Variants in NEK10 observed in about 807,000 individuals in gnomAD.
NEK10 encodes serine/threonine-protein kinase Nek10.
NEK10 carries 122 observed loss-of-function variants against 159.8 expected under a neutral mutation model. That is an observed-to-expected ratio of 0.76 (90% CI 0.66 to 0.89). NEK10 has a LOEUF of 0.89. Ranked by LOEUF, NEK10 falls within the 40% of genes least tolerant of loss-of-function variation. NEK10 has a pLI of 0.00. For synonymous variants in NEK10, 466 were observed against 457.1 expected (o/e 1.02, Z -0.25); for missense variants, 1,342 against 1,323.1 (o/e 1.01, Z -0.22).
At chr3:27,265,075 G>T (rs373094279) in intron 22 of NEK10, among the ~76,000 whole-genome samples, 7 of 151,960 alleles carry the variant, frequency 4.6e-5, no homozygotes, top group Admixed American at 1.3e-4. Flanking sequence ...AGAATAGTTG[G>T]GTATTTTCTT....
chr3:27,252,373 C>T, intron 23 of NEK10: 1 of 273,368 alleles, frequency 3.7e-6, no homozygotes, highest in Non-Finnish European at 7.7e-6. Context: ...AAGAGTATTC[C>T]AAGGAGGAGT....
At chr3:27,271,406 T>C (rs1453632008) in intron 22 of NEK10, among the ~76,000 whole-genome samples, 1 of 152,172 alleles carries the variant, frequency 6.6e-6, no homozygotes, top group Non-Finnish European at 1.5e-5. Context: ...AACTTCAATA[T>C]TTTTAGGGAG....
At position 27,297,127 on chromosome 3, in the gene NEK10, A is replaced by G. The variant is rs1028427068; in HGVS notation, c.1230+52T>C. 11 of 1,145,030 alleles carry G rather than the reference A, an allele frequency of 9.6e-6. No individual in the cohort carries two copies. The African/African-American group carries it at 1.7e-4, about 17-fold the overall frequency. 70.9% of individuals were successfully genotyped at this position (1,145,030 alleles called of 1,614,324 possible). ...GGGATACAGACTGCACCACAAGGTG[A>G]GTTGATTATGAATGGTTATGGAGAC... On this transcript the variant is annotated intron_variant, in intron 14 of 35. Transcript: ENST00000691995.
intron 22 of NEK10, among the ~76,000 whole-genome samples, chr3:27,257,873 C>A (rs907832413): frequency 5.5e-4 from 82 of 149,154 alleles, no homozygotes; most frequent in African/African-American, 1.8e-3. Context: ...ACTGCAAGCT[C>A]TGCCTGCCGG....
intron 20 of NEK10, among the ~76,000 whole-genome samples, chr3:27,286,102 T>TTTTTTA (rs1265713505): frequency 6.9e-6 from 1 of 144,174 alleles, no homozygotes; most frequent in African/African-American, 2.6e-5. Flanking sequence ...TTTTTTTTTT[T>TTTTTTA]TGAGATGGAG....
chr3:27,124,882 T>C (rs928044682), intron 32 of NEK10, among the ~76,000 whole-genome samples: 2 of 152,178 alleles, frequency 1.3e-5, no homozygotes, highest in Non-Finnish European at 2.9e-5. Flanking sequence ...GGCCATGAGA[T>C]GGTTCAGTAG....
intron 32 of NEK10, among the ~76,000 whole-genome samples, chr3:27,124,917 C>CT (rs1001280419): frequency 1.4e-4 from 21 of 151,642 alleles, no homozygotes; most frequent in Middle Eastern, 6.3e-3. Context: ...TGTGTGAACC[C>CT]TTTTTTTTGC....
At chr3:27,245,381 C>A (rs1162033358) in intron 23 of NEK10, among the ~76,000 whole-genome samples, 5 of 152,168 alleles carry the variant, frequency 3.3e-5, no homozygotes, top group African/African-American at 1.2e-4. Flanking sequence ...CTTTGACCAA[C>A]AGAATATGGC....
intron 23 of NEK10, among the ~76,000 whole-genome samples, chr3:27,212,224 T>C (rs936505230): frequency 6.6e-6 from 1 of 152,226 alleles, no homozygotes; most frequent in African/African-American, 2.4e-5. Flanking sequence ...AGTATTAAAA[T>C]CTGTGTTTTA....
At chr3:27,203,752 T>C (rs1950245208) in intron 23 of NEK10, among the ~76,000 whole-genome samples, 1 of 142,128 alleles carries the variant, frequency 7.0e-6, no homozygotes, top group African/African-American at 2.5e-5. Flanking sequence ...ACATCAGTAT[T>C]GACTTAAAAA....
rs193089864 is a variant in NEK10 at position 27,186,431 on chromosome 3, A to G, written c.2505+5598T>C. ...AACTGGAAATTTCTTCTGGAGCTCAAAATAAGAGCCTGCCAGAAGGAAGAG... is the reference window on the plus strand; with the variant it reads ...AACTGGAAATTTCTTCTGGAGCTCAGAATAAGAGCCTGCCAGAAGGAAGAG... On this transcript the variant is annotated intron_variant, in intron 26 of 35. Coordinates refer to ENST00000691995, the MANE Select transcript of NEK10 (RefSeq NM_001394966.1). 1.5e-3 allele frequency among the ~76,000 whole-genome samples: 235 copies of G among 152,320 alleles called. 1 individual carries two copies. The highest frequency in any genetic ancestry group is 5.4e-3 in the African/African-American group (225 of 41,582).
At chr3:27,173,894 T>C (rs1404857693) in intron 28 of NEK10, among the ~76,000 whole-genome samples, 4 of 152,142 alleles carry the variant, frequency 2.6e-5, no homozygotes, top group Admixed American at 6.6e-5. Flanking sequence ...CTTTCCCATA[T>C]CCCAGTATGA....
At position 27,192,175 on chromosome 3, in the gene NEK10, T is replaced by C. The variant is rs757800055; in HGVS notation, c.2359A>G (p.Met787Val). The change falls in exon 26 of 36, where the codon ATG (methionine) becomes GTG (valine). Residue 787 changes from methionine to valine, a missense_variant. Transcript: ENST00000691995. ...GATAAGTTGTCTAAATATTTCATCA[T>C]GACATCTGATATCATCGAACTGACT... ...VEVSSMISDVMMKYLDNLSTS... is the reference protein window; with the variant it reads ...VEVSSMISDVVMKYLDNLSTS... 1.9e-6 allele frequency: 3 copies of C among 1,614,174 alleles called. No homozygotes were observed. Among genetic ancestry groups the C allele is most frequent in the South Asian group, 2.2e-5 (2 of 91,090 alleles).
chr3:27,258,723 G>C (rs1170684860), intron 22 of NEK10, among the ~76,000 whole-genome samples: 1 of 152,014 alleles, frequency 6.6e-6, no homozygotes, highest in Non-Finnish European at 1.5e-5. Context: ...TAATTCTTTG[G>C]GTACATACCC....
chr3:27,309,380 T>C (rs552405154), intron 9 of NEK10: 121 of 147,086 alleles, frequency 8.2e-4, no homozygotes, highest in Non-Finnish European at 1.6e-3. Flanking sequence ...TCAAGCCTTA[T>C]GCAGCTTCCT....
intron 32 of NEK10, among the ~76,000 whole-genome samples, chr3:27,126,504 A>T (rs557803998): frequency 1.3e-4 from 20 of 152,146 alleles, no homozygotes; most frequent in Admixed American, 2.0e-4. Context: ...ATATACCATA[A>T]GTTCACAGTG....
chr3:27,272,587 C>G (rs1161722877), intron 22 of NEK10, among the ~76,000 whole-genome samples: 1 of 152,132 alleles, frequency 6.6e-6, no homozygotes, highest in Non-Finnish European at 1.5e-5. Context: ...ATCAGGCCCC[C>G]ACTTATGTAC....
At chr3:27,208,711 G>C (rs1950744673) in intron 23 of NEK10, among the ~76,000 whole-genome samples, 1 of 152,162 alleles carries the variant, frequency 6.6e-6, no homozygotes, top group African/African-American at 2.4e-5. Context: ...CAGATGTGCA[G>C]GAAGAAATGA....
At chr3:27,171,713 T>C (rs1947001063) in intron 29 of NEK10, 106 bp downstream of exon 29, 1 of 1,144,096 alleles carries the variant, frequency 8.7e-7, no homozygotes, top group East Asian at 2.4e-5. Context: ...AACTCCTATT[T>C]CCGCAGGCAC....
Sources: allele counts gnomAD v4.1 joint callset (sites outside exome capture counted in the v4.1 genomes callset), GRCh38; gene constraint gnomAD v4.1.1; transcripts MANE v1.5; gene names NCBI Gene and HGNC (gene_info 2026-07-23, HGNC 2026-07-21).